The following LRP1B variants were observed in gnomAD, a reference collection of about 807,000 sequenced individuals.
LRP1B encodes the protein low-density lipoprotein receptor-related protein 1B.
Under a neutral mutation model 556.6 loss-of-function variants are expected in LRP1B, and 217 were observed. The observed-to-expected ratio is 0.39, with a 90% CI of 0.35 to 0.44. LRP1B has a LOEUF of 0.44. Among genes scored for constraint, LRP1B ranks in the 20% least tolerant of loss-of-function variants. The probability of loss-of-function intolerance (pLI) is 1.00; values close to 1 mark genes in which losing one functional copy is unlikely to be tolerated. For missense variants in LRP1B, 5,053 were observed against 5,620.8 expected (o/e 0.90, Z 3.23); for synonymous variants, 2,047 against 1,865.8 (o/e 1.10, Z -2.50).
At chr2:141,796,558 C>T (rs567094532) in intron 2 of LRP1B, among the ~76,000 whole-genome samples, 2 of 147,254 alleles carry the variant, frequency 1.4e-5, no homozygotes, top group Non-Finnish European at 3.0e-5. Flanking sequence ...TCAATCTGAA[C>T]ATAGAGATAG....
chr2:141,277,717 C>A (rs2683847), intron 3 of LRP1B, among the ~76,000 whole-genome samples: 23,495 of 147,056 alleles, frequency 0.16, 1,948 homozygotes, highest in South Asian at 0.24. Context: ...AAAAAGCTAG[C>A]CTATGACACC....
At chr2:140,253,037 A>C (rs2104910802) in intron 86 of LRP1B, among the ~76,000 whole-genome samples, 1 of 152,078 alleles carries the variant, frequency 6.6e-6, no homozygotes, top group East Asian at 1.9e-4. Context: ...TTTGACTGTT[A>C]ATGTTTTCTA....
At chr2:140,609,670 C>T (rs75652025) in intron 41 of LRP1B, among the ~76,000 whole-genome samples, 1,540 of 152,254 alleles carry the variant, frequency 0.01, 20 homozygotes, top group African/African-American at 0.036. Flanking sequence ...CTTTTTCTTG[C>T]TTTTTGCATA....
intron 3 of LRP1B, among the ~76,000 whole-genome samples, chr2:141,415,088 C>T (rs901868202): frequency 9.2e-5 from 14 of 152,224 alleles, no homozygotes; most frequent in African/African-American, 3.4e-4. Context: ...TATCTTGGCT[C>T]ACTGCAAACT....
chr2:141,343,087 C>T lies in LRP1B; in HGVS notation c.344-88446G>A, dbSNP rs143362455. On this transcript the variant is annotated intron_variant, in intron 3 of 90. Transcript: ENST00000389484. ...CCAATATTCAACATTCTTAATGATT[C>T]ATACTTTTTAAGTCACATTTTCTCT... 6.4e-4 allele frequency among the ~76,000 whole-genome samples: 97 copies of T among 152,296 alleles called. No homozygotes were observed. In the East Asian group the frequency reaches 0.014, roughly 22 times the overall value.
intron 60 of LRP1B, among the ~76,000 whole-genome samples, chr2:140,462,121 T>C (rs16844029): frequency 0.015 from 2,334 of 152,294 alleles, 61 homozygotes; most frequent in African/African-American, 0.051. Flanking sequence ...TACAAACATA[T>C]CAAATCAAAC....
At chr2:141,804,300 C>T (rs1013116051) in intron 2 of LRP1B, among the ~76,000 whole-genome samples, 1 of 152,032 alleles carries the variant, frequency 6.6e-6, no homozygotes, top group Admixed American at 6.6e-5. Flanking sequence ...AACTCAACTT[C>T]TTTATTTTTT....
At chr2:140,327,962 G>T (rs1680579776) in intron 79 of LRP1B, among the ~76,000 whole-genome samples, 1 of 151,758 alleles carries the variant, frequency 6.6e-6, no homozygotes, top group African/African-American at 2.4e-5. Context: ...TTTCTATTAA[G>T]CCCTTTAATA....
At chr2:141,744,690 C>A (rs978865795) in intron 2 of LRP1B, among the ~76,000 whole-genome samples, 1 of 152,080 alleles carries the variant, frequency 6.6e-6, no homozygotes. Flanking sequence ...GGATTGGACT[C>A]TAGTGCCTTA....
chr2:141,182,623 T>C (rs1050703279), intron 7 of LRP1B, among the ~76,000 whole-genome samples: 5 of 152,008 alleles, frequency 3.3e-5, no homozygotes, highest in Non-Finnish European at 7.4e-5. Flanking sequence ...AGAATGATTA[T>C]TGGAGCTATT....
At chr2:142,069,000 G>GTC (rs138746479) in intron 1 of LRP1B, among the ~76,000 whole-genome samples, 6,528 of 151,174 alleles carry the variant, frequency 0.043, 227 homozygotes, top group Non-Finnish European at 0.058. Flanking sequence ...ATCTCTCTCT[G>GTC]TCTCTCTCTC....
At chr2:141,886,402 A>T (rs1699114397) in intron 1 of LRP1B, among the ~76,000 whole-genome samples, 1 of 152,192 alleles carries the variant, frequency 6.6e-6, no homozygotes, top group Non-Finnish European at 1.5e-5. Flanking sequence ...GAATGAGTTA[A>T]ATTCATTTTG....
intron 66 of LRP1B, among the ~76,000 whole-genome samples, chr2:140,435,499 A>T (rs1480485146): frequency 6.6e-6 from 1 of 152,138 alleles, no homozygotes; most frequent in African/African-American, 2.4e-5. Context: ...CTTCTTTTCA[A>T]ACTCAATTAT....
chr2:141,041,358 G>A (rs929506753), intron 11 of LRP1B, among the ~76,000 whole-genome samples: 6 of 152,012 alleles, frequency 3.9e-5, no homozygotes, highest in South Asian at 4.2e-4. Context: ...TGGTTTCACC[G>A]GGCTAAAGTC....
intron 43 of LRP1B, among the ~76,000 whole-genome samples, chr2:140,559,007 A>T (rs1680835480): frequency 6.6e-6 from 1 of 152,076 alleles, no homozygotes; most frequent in African/African-American, 2.4e-5. Context: ...AAATATAAGT[A>T]TAGGCTACAA....
intron 3 of LRP1B, among the ~76,000 whole-genome samples, chr2:141,320,703 G>A (rs760021151): frequency 7.1e-4 from 108 of 152,072 alleles, no homozygotes; most frequent in Non-Finnish European, 2.6e-4. Flanking sequence ...ACTTTCATTT[G>A]CAGCAGAGAA....
At chr2:141,463,238 T>C (rs939639583) in intron 3 of LRP1B, among the ~76,000 whole-genome samples, 4 of 152,250 alleles carry the variant, frequency 2.6e-5, no homozygotes, top group Admixed American at 2.0e-4. Context: ...TAAGTGCTAA[T>C]TGCCTCTTCA....
At chr2:140,264,840 T>C (rs1379638258) in intron 86 of LRP1B, among the ~76,000 whole-genome samples, 2 of 151,970 alleles carry the variant, frequency 1.3e-5, no homozygotes, top group Non-Finnish European at 2.9e-5. Flanking sequence ...CAGGGATACC[T>C]GAGTTGAGAT....
intron 3 of LRP1B, among the ~76,000 whole-genome samples, chr2:141,431,004 C>T (rs1309745559): frequency 6.6e-6 from 1 of 151,776 alleles, no homozygotes; most frequent in Non-Finnish European, 1.5e-5. Context: ...AGGCATGGTG[C>T]CGTGTGCCTA....
Sources: gnomAD v4.1 joint callset for allele counts (sites outside exome capture counted in the v4.1 genomes callset) on GRCh38, gnomAD v4.1.1 for gene constraint, MANE v1.5 for transcripts, NCBI Gene and HGNC (gene_info 2026-07-23, HGNC 2026-07-21) for gene names.